PSME4: variants seen among roughly 807,000 people sequenced by gnomAD.
The protein encoded by PSME4 is proteasome activator subunit 4.
Under a neutral mutation model 253.9 loss-of-function variants are expected in PSME4, and 89 were observed. The observed-to-expected ratio is 0.35, with a 90% CI of 0.30 to 0.42. The LOEUF is 0.42. Ranked by LOEUF, PSME4 falls within the 10% of genes least tolerant of loss-of-function variation. The pLI, the probability that PSME4 is intolerant of heterozygous loss-of-function variation, is 1.00. For synonymous variants in PSME4, 851 were observed against 759.2 expected (o/e 1.12, Z -1.99); for missense variants, 2,014 against 2,195.2 (o/e 0.92, Z 1.65).
At chr2:53,916,356 T>G (rs1048453691) in intron 20 of PSME4, among the ~76,000 whole-genome samples, 3 of 152,150 alleles carry the variant, frequency 2.0e-5, no homozygotes, top group African/African-American at 4.8e-5. Flanking sequence ...AAACTGTTAT[T>G]AACAATAGAT....
At chr2:53,902,693 TC>T (rs1461713683) in intron 27 of PSME4, among the ~76,000 whole-genome samples, 1 of 152,192 alleles carries the variant, frequency 6.6e-6, no homozygotes, top group African/African-American at 2.4e-5. Flanking sequence ...GCAAACATTT[TC>T]CATAAACGGC....
intron 1 of PSME4, among the ~76,000 whole-genome samples, chr2:53,953,379 G>T (rs539201899): frequency 6.6e-6 from 1 of 151,640 alleles, no homozygotes; most frequent in South Asian, 2.1e-4. Context: ...AAAAGGCTGG[G>T]CGTAGTATAC....
At chr2:53,892,172 C>A (rs1328090040) in intron 36 of PSME4, among the ~76,000 whole-genome samples, 1 of 152,110 alleles carries the variant, frequency 6.6e-6, no homozygotes, top group Non-Finnish European at 1.5e-5. Flanking sequence ...TGTTTGCAGT[C>A]CTCCTAAAAG....
intron 41 of PSME4, among the ~76,000 whole-genome samples, chr2:53,882,989 T>C (rs1467465682): frequency 2.6e-5 from 4 of 152,180 alleles, no homozygotes; most frequent in South Asian, 4.1e-4. Context: ...GTCTATCTTA[T>C]ACTTTTATGA....
At chr2:53,935,358 C>A (rs1025615404) in intron 7 of PSME4, among the ~76,000 whole-genome samples, 1 of 152,246 alleles carries the variant, frequency 6.6e-6, no homozygotes, top group East Asian at 1.9e-4. Flanking sequence ...GAAGACACCA[C>A]AAGCAAAAGC....
chr2:53,878,283 T>C (rs1171596478), intron 41 of PSME4, among the ~76,000 whole-genome samples: 2 of 152,244 alleles, frequency 1.3e-5, no homozygotes, highest in Middle Eastern at 3.2e-3. Context: ...CCCCAATCAA[T>C]ACTCTTGTGA....
intron 32 of PSME4, 78 bp from the exon 33 acceptor site, chr2:53,895,814 C>G: frequency 7.5e-7 from 1 of 1,328,436 alleles, no homozygotes; most frequent in Non-Finnish European, 1.0e-6. Context: ...ATCAACAGTA[C>G]CAGCATAACT....
At chr2:53,915,231 G>T (rs1329821313) in intron 20 of PSME4, among the ~76,000 whole-genome samples, 1 of 151,878 alleles carries the variant, frequency 6.6e-6, no homozygotes, top group Non-Finnish European at 1.5e-5. Context: ...GCCTGAGCTC[G>T]GGAAATTGAG....
At chr2:53,875,513 A>G in intron 42 of PSME4, 114 bp downstream of exon 42, 1 of 1,045,598 alleles carries the variant, frequency 9.6e-7, no homozygotes, top group Admixed American at 3.0e-5. Context: ...CTCTTATACT[A>G]AAAGAAAATT....
chr2:53,868,168 G>A (rs1418427157), intron 44 of PSME4, among the ~76,000 whole-genome samples: 1 of 151,804 alleles, frequency 6.6e-6, no homozygotes, highest in East Asian at 1.9e-4. Flanking sequence ...AAAAAACAGA[G>A]TTCTCAGGCC....
At chr2:53,900,796 G>A (rs1319997185) in intron 28 of PSME4, among the ~76,000 whole-genome samples, 5 of 152,040 alleles carry the variant, frequency 3.3e-5, no homozygotes, top group African/African-American at 9.7e-5. Flanking sequence ...CCATAGTCAC[G>A]CCAGCCAAGA....
chr2:53,915,053 T>C (rs1271286518), intron 20 of PSME4, among the ~76,000 whole-genome samples: 1 of 152,182 alleles, frequency 6.6e-6, no homozygotes, highest in Non-Finnish European at 1.5e-5. Context: ...TCCCATTTAG[T>C]AGCCACTTCC....
At chr2:53,940,905 A>AT (rs1315013524) in intron 3 of PSME4, among the ~76,000 whole-genome samples, 6 of 129,926 alleles carry the variant, frequency 4.6e-5, no homozygotes, top group African/African-American at 1.4e-4. Flanking sequence ...AAATATATAT[A>AT]ATACATATTT....
chr2:53,940,206 G>A (rs1442459898), intron 3 of PSME4, among the ~76,000 whole-genome samples: 1 of 151,770 alleles, frequency 6.6e-6, no homozygotes, highest in Non-Finnish European at 1.5e-5. Flanking sequence ...CCCTCATTTC[G>A]CTGTCTCTGG....
At chr2:53,906,265 A>G (rs1355541962) in intron 26 of PSME4, among the ~76,000 whole-genome samples, 1 of 152,166 alleles carries the variant, frequency 6.6e-6, no homozygotes, top group Non-Finnish European at 1.5e-5. Flanking sequence ...CAGCAATATC[A>G]CACTAGCACT....
chr2:53,886,179 G>A (rs1212469664), intron 40 of PSME4, among the ~76,000 whole-genome samples: 6 of 152,152 alleles, frequency 3.9e-5, no homozygotes, highest in East Asian at 3.9e-4. Context: ...AGGCCAAGGC[G>A]GGAGGATCCC....
chr2:53,910,030 A>T (rs1308829780), intron 21 of PSME4, 45 bp downstream of exon 21: 1 of 1,465,524 alleles, frequency 6.8e-7, no homozygotes, highest in South Asian at 1.1e-5. Context: ...GGAGTTACTG[A>T]CAAAAATAAT....
chr2:53,865,226 A>G lies in PSME4; in HGVS notation c.*352T>C, dbSNP rs892224435. Reference sequence around the variant, plus strand: ...TGAAATGACAGGACCTGTATTACAGATGGGTATTCTCCATTCCAAGTAAAC... The same window carrying G: ...TGAAATGACAGGACCTGTATTACAGGTGGGTATTCTCCATTCCAAGTAAAC... On this transcript the variant is annotated 3_prime_UTR_variant, in exon 47 of 47. Transcript: ENST00000404125. The G allele has an allele frequency of 5.2e-5, 8 of 152,764 alleles. No individual in the cohort carries two copies. The East Asian group carries it at 1.5e-3, about 29-fold the overall frequency. 9.5% of individuals were successfully genotyped at this position (152,764 alleles called of 1,614,324 possible). A position where few individuals can be genotyped will look rare whatever the true frequency, so the allele number is the denominator to read the frequency against.
intron 3 of PSME4, among the ~76,000 whole-genome samples, chr2:53,940,529 G>A (rs1272453914): frequency 2.0e-5 from 3 of 151,966 alleles, no homozygotes; most frequent in South Asian, 2.1e-4. Flanking sequence ...AAAGTTAGTC[G>A]AGTAACATTA....
Sources: allele counts gnomAD v4.1 joint callset (sites outside exome capture counted in the v4.1 genomes callset), GRCh38; gene constraint gnomAD v4.1.1; transcripts MANE v1.5; gene names NCBI Gene and HGNC (gene_info 2026-07-23, HGNC 2026-07-21).